LEPROTL1: variants seen among roughly 807,000 people sequenced by gnomAD.
The protein encoded by LEPROTL1 is leptin receptor overlapping transcript like 1.
LEPROTL1 carries 6 observed loss-of-function variants against 15.4 expected under a neutral mutation model. That is an observed-to-expected ratio of 0.39 (90% CI 0.21 to 0.77). LEPROTL1 has a LOEUF of 0.77. Among genes scored for constraint, LEPROTL1 ranks in the 30% least tolerant of loss-of-function variants. The pLI is 0.41. For missense variants in LEPROTL1, 128 were observed against 158.1 expected (o/e 0.81, Z 1.02); for synonymous variants, 56 against 52.6 (o/e 1.06, Z -0.28).
At chr8:30,132,455 G>A in exon 4 of LEPROTL1, 1 of 1,551,758 alleles carries the variant, frequency 6.4e-7, no homozygotes, top group South Asian at 1.2e-5. Context: ...GCTGCGTGGA[G>A]GAGGGAGTCG....
At chr8:30,122,504 G>A (rs1159280553) in intron 3 of LEPROTL1, among the ~76,000 whole-genome samples, 1 of 151,976 alleles carries the variant, frequency 6.6e-6, no homozygotes, top group Admixed American at 6.6e-5. Context: ...AGAAACTTTT[G>A]GGAGGGCCAG....
chr8:30,104,124 A>T (rs1032028321), intron 2 of LEPROTL1, among the ~76,000 whole-genome samples, 176 bp from the exon 3 acceptor site: 1 of 152,152 alleles, frequency 6.6e-6, no homozygotes, highest in African/African-American at 2.4e-5. Context: ...GATTTCTGTA[A>T]TTTGGGAGTT....
intron 1 of LEPROTL1, chr8:30,095,784 C>T (rs1187286140): frequency 2.9e-6 from 2 of 700,680 alleles, no homozygotes; most frequent in East Asian, 5.4e-5. Context: ...CTCTCCCACC[C>T]ATCGCCCCCC....
downstream of LEPROTL1, among the ~76,000 whole-genome samples, chr8:30,110,077 A>G (rs1802632181): frequency 6.6e-6 from 1 of 152,102 alleles, no homozygotes; most frequent in Admixed American, 6.6e-5. Context: ...TTAGTTACTG[A>G]AAGTTTAGGG....
intron 2 of LEPROTL1, among the ~76,000 whole-genome samples, chr8:30,104,019 A>G (rs868509282): frequency 2.1e-4 from 32 of 152,324 alleles, no homozygotes; most frequent in Middle Eastern, 3.4e-3. Flanking sequence ...CAATACAGTT[A>G]ACTAGATGTA....
At chr8:30,102,050 T>A (rs1802475072) in intron 2 of LEPROTL1, 77 bp downstream of exon 2, 1 of 848,644 alleles carries the variant, frequency 1.2e-6, no homozygotes, top group Non-Finnish European at 1.9e-6. Context: ...AATGTTTTTT[T>A]ACTACTGTAA....
chr8:30,131,994 C>A, intron 3 of LEPROTL1: 1 of 1,552,082 alleles, frequency 6.4e-7, no homozygotes, highest in Non-Finnish European at 8.7e-7. Flanking sequence ...GAATACAGTA[C>A]ACCATGGGAA....
Position 30,095,426 on chromosome 8 carries a change from T to A in LEPROTL1, c.-87T>A. 1 of 1,369,628 alleles carries A rather than the reference T, an allele frequency of 7.3e-7. No homozygotes were observed. The highest frequency in any genetic ancestry group is 1.4e-5 in the South Asian group (1 of 73,732). The allele number at this position is 1,369,628 out of a possible 1,614,324, so 84.8% of individuals were successfully genotyped here. ...GCGTCGCGCACTTCCGGGTGTTGTC[T>A]GGCCGCCGTAGCGCGTCTTGGGTCT... On this transcript the variant is annotated 5_prime_UTR_variant, in exon 1 of 4. Coordinates refer to ENST00000321250, the MANE Select transcript of LEPROTL1 (RefSeq NM_015344.3).
intron 1 of LEPROTL1, 43 bp downstream of exon 1, chr8:30,095,571 G>A (rs967601227): frequency 1.5e-6 from 2 of 1,334,780 alleles, no homozygotes; most frequent in Non-Finnish European, 1.9e-6. Context: ...GGGCCGGCGG[G>A]GGAAGATGGG....
At chr8:30,112,739 T>C (rs1224099319), downstream of LEPROTL1, among the ~76,000 whole-genome samples, 1 of 152,022 alleles carries the variant, frequency 6.6e-6, no homozygotes, top group Non-Finnish European at 1.5e-5. Context: ...AAAGTGAAGA[T>C]ACTAATAGTA....
In LEPROTL1 at chr8:30,121,012, A is replaced by G. The variant is rs114248949; in HGVS notation, c.280-11363A>G. ...CCCAGCCCCTGGCAGCCACCATTCTACTCTGTTTCTGTAAGTCTGACTCCT... is the reference window on the plus strand; with the variant it reads ...CCCAGCCCCTGGCAGCCACCATTCTGCTCTGTTTCTGTAAGTCTGACTCCT... On this transcript the variant is annotated intron_variant, in intron 3 of 4. Transcript: ENST00000442880. Among the ~76,000 whole-genome samples the G allele has an allele frequency of 8.6e-3, 1,296 of 151,228 alleles. 29 individuals are homozygous for G. The highest frequency in any genetic ancestry group is 0.03 in the African/African-American group (1,241 of 41,114).
rs977266435 is a variant in LEPROTL1, at chr8:30,104,494, A to C, written c.279+8A>C. ...TTTGCCAGAGCACATCTGGTAAGTGAATATATTCTTCCATTAATGATTTTA... is the reference window on the plus strand; with the variant it reads ...TTTGCCAGAGCACATCTGGTAAGTGCATATATTCTTCCATTAATGATTTTA... On this transcript the variant is annotated splice_region_variant and intron_variant, in intron 3 of 3. Transcript: ENST00000321250. 13 of 1,545,356 alleles carry C rather than the reference A, an allele frequency of 8.4e-6. No individual in the cohort carries two copies. The highest frequency in any genetic ancestry group is 1.1e-5 in the Non-Finnish European group (13 of 1,142,996).
chr8:30,124,704 C>T (rs1563218598), intron 3 of LEPROTL1, among the ~76,000 whole-genome samples: 1 of 151,344 alleles, frequency 6.6e-6, no homozygotes, highest in Non-Finnish European at 1.5e-5. Context: ...ATGTAAATAA[C>T]TATATAAACA....
intron 3 of LEPROTL1, chr8:30,104,799 G>A (rs1204717130): frequency 1.8e-5 from 3 of 169,146 alleles, no homozygotes; most frequent in Non-Finnish European, 3.6e-5. Context: ...TGCAAGCTCT[G>A]CCTCCCGGGT....
downstream of LEPROTL1, among the ~76,000 whole-genome samples, chr8:30,112,401 A>ATTTTTTTTTTTTTTTTTTTTTTTTTTT (rs10684450): frequency 3.2e-4 from 9 of 27,888 alleles, 2 homozygotes; most frequent in Non-Finnish European, 4.8e-4. Flanking sequence ...TGCCCAGCTA[A>ATTTTTTTTTTTTTTTTTTTTTTTTTTT]TTTTTTTTTT....
At chr8:30,104,624 ATTGT>A in intron 3 of LEPROTL1, 138 bp downstream of exon 3, 1 of 476,770 alleles carries the variant, frequency 2.1e-6, no homozygotes, top group East Asian at 3.5e-5. Flanking sequence ...ATCTCACTTT[ATTGT>A]TTGTTCTTGT....
Position 30,101,918 on chromosome 8 carries a change from G to A in LEPROTL1, c.37G>A (p.Gly13Arg). ...TGCAGCTTTGATTAGTTTGTCCTTT[G>A]GAGGAGCAATCGGACTGATGTTTTT... ...GIKALISLSF[G>R]GAIGLMFLML... Residue 13 changes from glycine (G) to arginine (R), a missense_variant, in exon 2 of 4, where the codon GGA (glycine) becomes AGA (arginine). Coordinates refer to ENST00000321250, the MANE Select transcript of LEPROTL1 (RefSeq NM_015344.3). 1.9e-6 allele frequency: 3 copies of A among 1,607,566 alleles called. No homozygotes were observed. Among genetic ancestry groups the A allele is most frequent in the Non-Finnish European group, 2.6e-6 (3 of 1,175,932 alleles).
intron 1 of LEPROTL1, 31 bp downstream of exon 1, chr8:30,095,559 TG>T: frequency 2.2e-6 from 3 of 1,359,882 alleles, no homozygotes; most frequent in Non-Finnish European, 1.9e-6. Flanking sequence ...GCGGGAGGGC[TG>T]GGGCCGGCGG....
At chr8:30,120,624 C>T (rs535394142) in intron 3 of LEPROTL1, among the ~76,000 whole-genome samples, 15 of 152,120 alleles carry the variant, frequency 9.9e-5, no homozygotes, top group Admixed American at 4.6e-4. Context: ...TTCGCCTCTC[C>T]GGCTTGAGCA....
Sources: gnomAD v4.1 joint callset for allele counts (sites outside exome capture counted in the v4.1 genomes callset) on GRCh38, gnomAD v4.1.1 for gene constraint, MANE v1.5 for transcripts, NCBI Gene and HGNC (gene_info 2026-07-23, HGNC 2026-07-21) for gene names.